Variants in TPTE2 observed in about 807,000 individuals in gnomAD.
TPTE2 encodes the protein phosphatidylinositol 3,4,5-trisphosphate 3-phosphatase TPTE2.
Under a neutral mutation model 78.6 loss-of-function variants are expected in TPTE2, and 53 were observed. The ratio of observed to expected loss-of-function variants is 0.67; its 90% CI spans 0.54 to 0.85. TPTE2 has a LOEUF of 0.85. TPTE2 is among the 40% of genes least tolerant of loss of function. TPTE2 has a pLI of 0.00. For missense variants in TPTE2, 461 were observed against 623.0 expected (o/e 0.74, Z 2.77); for synonymous variants, 175 against 206.2 (o/e 0.85, Z 1.30).
At chr13:19,512,011 A>G (rs1201487504) in intron 1 of TPTE2, among the ~76,000 whole-genome samples, 6 of 152,202 alleles carry the variant, frequency 3.9e-5, no homozygotes. Context: ...TCTCCCCCCA[A>G]AGTGGATATT....
chr13:19,513,989 T>C lies in TPTE2; in HGVS notation c.-43-10712A>G, dbSNP rs542741994. Among the ~76,000 whole-genome samples, 5 of 152,266 alleles carry C rather than the reference T, an allele frequency of 3.3e-5. No individual in the cohort carries two copies. In the South Asian group the frequency reaches 1.0e-3, roughly 32 times the overall value. On this transcript the variant is annotated intron_variant, in intron 1 of 17. Coordinates refer to the TPTE2 transcript ENST00000390680. ...GCAGGGGCTCCATCCAATGTGATGA[T>C]GGCTTTGAGTTTGGGGCACCAGCTC...
intron 1 of TPTE2, among the ~76,000 whole-genome samples, chr13:19,525,646 C>T (rs1255684230): frequency 3.9e-5 from 6 of 152,132 alleles, no homozygotes; most frequent in African/African-American, 1.4e-4. Flanking sequence ...ATGAAGATTT[C>T]ATGATGAAGA....
intron 1 of TPTE2, among the ~76,000 whole-genome samples, chr13:19,494,785 G>C (rs886461943): frequency 6.6e-6 from 1 of 152,172 alleles, no homozygotes; most frequent in African/African-American, 2.4e-5. Flanking sequence ...TTCGGATCAG[G>C]ACTAAAGGAC....
chr13:19,521,016 G>T (rs1052640298), intron 1 of TPTE2, among the ~76,000 whole-genome samples: 1 of 151,888 alleles, frequency 6.6e-6, no homozygotes, highest in Non-Finnish European at 1.5e-5. Flanking sequence ...CTAGCATATG[G>T]TCTTTCCTGG....
At chr13:19,435,058 A>G (rs1336034280) in intron 15 of TPTE2, among the ~76,000 whole-genome samples, 1 of 152,242 alleles carries the variant, frequency 6.6e-6, no homozygotes, top group Non-Finnish European at 1.5e-5. Flanking sequence ...TATAGGATAA[A>G]TATCCTGGTT....
At chr13:19,477,244 A>G (rs894292972) in intron 4 of TPTE2, among the ~76,000 whole-genome samples, 12 of 152,052 alleles carry the variant, frequency 7.9e-5, no homozygotes, top group Non-Finnish European at 4.4e-5. Flanking sequence ...AGGAGCAGAA[A>G]AGATAACTAT....
At chr13:19,501,880 A>G (rs1295398198) in intron 1 of TPTE2, among the ~76,000 whole-genome samples, 1 of 151,416 alleles carries the variant, frequency 6.6e-6, no homozygotes, top group African/African-American at 2.4e-5. Context: ...ATGGGAGAAA[A>G]TTTTCGCAAC....
At chr13:19,430,671 A>T in intron 16 of TPTE2, 124 bp from the exon 20 acceptor site, 1 of 651,986 alleles carries the variant, frequency 1.5e-6, no homozygotes, top group Non-Finnish European at 2.7e-6. Context: ...ATCAATAGTT[A>T]CTTATTTGGT....
At chr13:19,545,075 A>T in the TPTE2 span, among the ~76,000 whole-genome samples, 1 of 152,172 alleles carries the variant, frequency 6.6e-6, no homozygotes, top group African/African-American at 2.4e-5. Flanking sequence ...AAGAGGAAAA[A>T]GTACAAAAGC....
intron 18 of TPTE2, among the ~76,000 whole-genome samples, chr13:19,425,401 T>A (rs1319667801): frequency 6.6e-6 from 1 of 152,208 alleles, no homozygotes; most frequent in Non-Finnish European, 1.5e-5. Flanking sequence ...CCCTTTTAAT[T>A]ATAAATTGTA....
At chr13:19,441,785 G>C (rs755505610) in intron 13 of TPTE2, among the ~76,000 whole-genome samples, 9 of 152,186 alleles carry the variant, frequency 5.9e-5, no homozygotes, top group Non-Finnish European at 1.2e-4. Context: ...CCATTTAACA[G>C]TATACTGCAG....
At chr13:19,536,149 CTTTG>C (rs1031434524) in intron 1 of TPTE2, among the ~76,000 whole-genome samples, 1 of 150,912 alleles carries the variant, frequency 6.6e-6, no homozygotes, top group African/African-American at 2.4e-5. Context: ...ATAACATGCT[CTTTG>C]TTTGCTTGTT....
chr13:19,457,563 C>T (rs1878617565), intron 10 of TPTE2, among the ~76,000 whole-genome samples: 1 of 151,934 alleles, frequency 6.6e-6, no homozygotes, highest in Admixed American at 6.6e-5. Context: ...GTGTTGTTCC[C>T]CATTGTGTGC....
At position 19,450,056 on chromosome 13, in the gene TPTE2, G is replaced by A. The variant is rs764230338; in HGVS notation, c.973+20C>T. The A allele has an allele frequency of 1.9e-6, 3 of 1,608,678 alleles. No individual in the cohort carries two copies. In the East Asian group the frequency reaches 6.7e-5, roughly 36 times the overall value. ...TACATGTCTTTAGAAAGGGAAAAATGAAAAGGAAAATGTTATTACCTTTGC... is the reference window on the plus strand; with the variant it reads ...TACATGTCTTTAGAAAGGGAAAAATAAAAAGGAAAATGTTATTACCTTTGC... On this transcript the variant is annotated intron_variant, in intron 13 of 19. Coordinates refer to ENST00000400230, the Ensembl canonical transcript of TPTE2.
chr13:19,439,947 G>A (rs1274261731), intron 13 of TPTE2, among the ~76,000 whole-genome samples: 1 of 152,150 alleles, frequency 6.6e-6, no homozygotes, highest in East Asian at 1.9e-4. Flanking sequence ...TCAGAAATAT[G>A]AGATTATGTA....
chr13:19,502,966 T>C (rs1373321023), intron 1 of TPTE2, among the ~76,000 whole-genome samples: 4 of 152,138 alleles, frequency 2.6e-5, no homozygotes, highest in Non-Finnish European at 4.4e-5. Flanking sequence ...GGATGCAATG[T>C]TACCTACAAA....
chr13:19,435,754 AGAC>A (rs762204047), intron 15 of TPTE2, among the ~76,000 whole-genome samples: 244 of 115,476 alleles, frequency 2.1e-3, no homozygotes, highest in Non-Finnish European at 3.6e-3. Context: ...CACACAGAAA[AGAC>A]ACACACACAC....
the TPTE2 span, among the ~76,000 whole-genome samples, chr13:19,549,301 TGAA>T: frequency 1.4e-4 from 21 of 151,972 alleles, no homozygotes; most frequent in Admixed American, 3.3e-4. Flanking sequence ...CTCAAACAAC[TGAA>T]GAAGCAAAAA....
the TPTE2 span, among the ~76,000 whole-genome samples, chr13:19,552,200 G>A: frequency 6.6e-6 from 1 of 152,162 alleles, no homozygotes; most frequent in Non-Finnish European, 1.5e-5. Flanking sequence ...TTTAAGAGTT[G>A]TAATGTTCTC....
Sources: allele counts gnomAD v4.1 joint callset (sites outside exome capture counted in the v4.1 genomes callset), GRCh38; gene constraint gnomAD v4.1.1; transcripts MANE v1.5; gene names NCBI Gene and HGNC (gene_info 2026-07-23, HGNC 2026-07-21).